The following CABLES2 variants were observed in gnomAD, a reference collection of about 807,000 sequenced individuals.
CABLES2 encodes CDK5 and ABL1 enzyme substrate 2.
CABLES2 carries 35 observed loss-of-function variants against 44.8 expected under a neutral mutation model. The observed-to-expected ratio is 0.78, with a 90% CI of 0.60 to 1.04. CABLES2 has a LOEUF of 1.04. Ranked by LOEUF, CABLES2 falls within the 50% of genes least tolerant of loss-of-function variation. The probability of loss-of-function intolerance (pLI) is 0.00; values close to 1 mark genes in which losing one functional copy is unlikely to be tolerated. For missense variants in CABLES2, 566 were observed against 615.7 expected (o/e 0.92, Z 0.85); for synonymous variants, 282 against 281.1 (o/e 1.00, Z -0.03).
chr20:62,407,267 C>T lies in CABLES2; in HGVS notation c.10G>A (p.Ala4Thr), dbSNP rs924966606. Reference protein sequence around the residue: MAAAAAGGAPGPAP... With the variant: MAATAAGGAPGPAP... The stretch of plus-strand genomic sequence containing the variant: ...GGGCCCGGGGCTCCACCGGCCGCGG[C>T]CGCGGCCATCCTCAGACTGCGCCCG... The change falls in exon 1 of 10, where the codon GCC becomes ACC. Residue 4 changes from alanine (A) to threonine (T), a missense_variant. Around this residue, in one of 2 missense-constraint regions of CABLES2, gnomAD observed 130 missense variants for 79.4 expected, o/e 1.64. Transcript: ENST00000279101. The T allele has an allele frequency of 2.0e-5, 11 of 550,244 alleles. No homozygotes were observed. Among genetic ancestry groups the T allele is most frequent in the South Asian group, 7.9e-5 (1 of 12,736 alleles). The allele number at this position is 550,244 out of a possible 1,614,324, so 34.1% of individuals were successfully genotyped here. A position where few individuals can be genotyped will look rare whatever the true frequency, so the allele number is the denominator to read the frequency against.
In CABLES2 at chr20:62,407,249, GGGCTCCAC is replaced by G; in HGVS notation, c.20_27del (p.Gly7AlafsTer147). ...CCGGCGGGGCCGGGGGCCGGGCCCG[GGGCTCCAC>G]CGGCCGCGGCCGCGGCCATCCTCAG... On this transcript the variant is annotated frameshift_variant, in exon 1 of 10. Transcript: ENST00000279101. LOFTEE classifies it high-confidence loss of function. 1.4e-6 allele frequency: 1 copy of G among 699,880 alleles called. No homozygotes were observed. Among genetic ancestry groups the G allele is most frequent in the Non-Finnish European group, 1.7e-6 (1 of 572,802 alleles). The allele number at this position is 699,880 out of a possible 1,614,324, so 43.4% of individuals were successfully genotyped here. A position where few individuals can be genotyped will look rare whatever the true frequency, so the allele number is the denominator to read the frequency against.
Position 62,389,191 on chromosome 20 carries a change from T to C in CABLES2, c.*1780A>G, listed in dbSNP as rs1987863001. ...GATGGGATCTGGGTGGCAGGAGAGG[T>C]TGCTTTTCAGAGGAAAGCTGCCTGG... is the stretch of plus-strand genomic sequence containing the variant. On this transcript the variant is annotated 3_prime_UTR_variant, in exon 10 of 10. Coordinates refer to ENST00000279101, the MANE Select transcript of CABLES2 (RefSeq NM_031215.3). The C allele has an allele frequency of 6.6e-6, 1 of 152,390 alleles. No individual in the cohort carries two copies. The highest frequency in any genetic ancestry group is 2.1e-4 in the South Asian group (1 of 4,848). 9.4% of individuals were successfully genotyped at this position (152,390 alleles called of 1,614,324 possible).
Position 62,393,026 on chromosome 20 carries a change from G to T in CABLES2, c.881-3C>A, listed in dbSNP as rs759192452. 4 of 1,612,220 alleles carry T rather than the reference G, an allele frequency of 2.5e-6. No individual in the cohort carries two copies. In the Admixed American group the frequency reaches 6.7e-5, roughly 27 times the overall value. ...CAGGGTGTCCCCCACGTCACTCCCT[G>T]TAAGAGAGGCAACCCCTGACCCACC... On this transcript the variant is annotated splice_polypyrimidine_tract_variant and splice_region_variant and intron_variant, in intron 6 of 9. Transcript: ENST00000279101.
intron 1 of CABLES2, among the ~76,000 whole-genome samples, chr20:62,398,930 C>G (rs576804089): frequency 6.6e-6 from 1 of 152,258 alleles, no homozygotes; most frequent in Non-Finnish European, 1.5e-5. Flanking sequence ...GTCACCTTGA[C>G]GCCAACATTG....
chr20:62,390,630 C>T lies in CABLES2; in HGVS notation c.*341G>A. ...CGAGGCCAGGGGAGACACACTGCAG[C>T]CGGCTCGCTGCTGCACGCTGTGAAC... On this transcript the variant is annotated 3_prime_UTR_variant, in exon 10 of 10. Transcript: ENST00000279101. 1 of 294,030 alleles carries T rather than the reference C, an allele frequency of 3.4e-6. No individual in the cohort carries two copies. Among genetic ancestry groups the T allele is most frequent in the Non-Finnish European group, 6.5e-6 (1 of 153,112 alleles). 18.2% of individuals were successfully genotyped at this position (294,030 alleles called of 1,614,324 possible). A position where few individuals can be genotyped will look rare whatever the true frequency, so the allele number is the denominator to read the frequency against.
Position 62,396,396 on chromosome 20 carries a change from G to A in CABLES2, c.446C>T (p.Thr149Ile). 1 of 1,613,986 alleles carries A rather than the reference G, an allele frequency of 6.2e-7. No homozygotes were observed. The highest frequency in any genetic ancestry group is 8.5e-7 in the Non-Finnish European group (1 of 1,179,940). ...GCCTTTATGTCTCGGTGATCCAGAT[G>A]TGTGTTTGGTTCTGCAAGGCAAAGG... ...GCAPAQRTKH[T>I]SGSPRHKGLK... The change falls in exon 3 of 10, where the codon ACA becomes ATA. Residue 149 changes from threonine (T) to isoleucine (I), a missense_variant. Physicochemically the swap from Thr to Ile is moderately conservative, Grantham distance 89. Coordinates refer to ENST00000279101, the MANE Select transcript of CABLES2 (RefSeq NM_031215.3). The surrounding 1 kb of genome is among the most constrained non-coding windows in gnomAD (Gnocchi z 5.7).
chr20:62,392,865 G>T, intron 7 of CABLES2, 55 bp downstream of exon 7: 1 of 1,517,002 alleles, frequency 6.6e-7, no homozygotes, highest in Non-Finnish European at 9.1e-7. Flanking sequence ...CACACGCCCC[G>T]AGCCAGGACA....
chr20:62,399,599 T>TC (rs923055687), intron 1 of CABLES2, among the ~76,000 whole-genome samples: 2 of 147,708 alleles, frequency 1.4e-5, no homozygotes, highest in African/African-American at 5.0e-5. Flanking sequence ...GGTCCTTTTT[T>TC]TTTTTTTTTT....
chr20:62,398,142 G>GA (rs1569017726), intron 1 of CABLES2, among the ~76,000 whole-genome samples: 61 of 108,440 alleles, frequency 5.6e-4, no homozygotes, highest in Middle Eastern at 4.9e-3. Flanking sequence ...GGTGGTGATG[G>GA]TGGTGGTGGT....
chr20:62,398,187 A>ACGGTGGTGGTGACGGTGATGGTGG, intron 1 of CABLES2, among the ~76,000 whole-genome samples: 1 of 92,770 alleles, frequency 1.1e-5, no homozygotes, highest in African/African-American at 5.0e-5. Context: ...GGTGGTGGTG[A>ACGGTGGTGGTGACGGTGATGGTGG]TGGTGATGAT....
At chr20:62,392,604 G>A (rs1027036528) in intron 7 of CABLES2, 109 bp from the exon 8 acceptor site, 8 of 832,232 alleles carry the variant, frequency 9.6e-6, no homozygotes, top group African/African-American at 6.7e-5. Flanking sequence ...ACATGCATAC[G>A]GTGTGGCTTG....
chr20:62,402,011 C>T (rs552275450), intron 1 of CABLES2, among the ~76,000 whole-genome samples: 7 of 152,156 alleles, frequency 4.6e-5, no homozygotes, highest in Non-Finnish European at 7.4e-5. Flanking sequence ...GGAGGCCCCG[C>T]TCCTGCTCAG....
At chr20:62,393,976 T>C (rs1290123026) in intron 5 of CABLES2, among the ~76,000 whole-genome samples, 181 bp downstream of exon 5, 1 of 151,314 alleles carries the variant, frequency 6.6e-6, no homozygotes, top group African/African-American at 2.4e-5. Flanking sequence ...GGCGGGGGAG[T>C]CCGACGGGCT....
intron 1 of CABLES2, chr20:62,403,501 G>T: frequency 6.5e-6 from 1 of 152,726 alleles, no homozygotes; most frequent in Non-Finnish European, 1.5e-5. Context: ...AGTGGGAAAA[G>T]GCAGGAAGGA....
At chr20:62,404,449 T>C (rs1988243185) in intron 1 of CABLES2, 1 of 152,360 alleles carries the variant, frequency 6.6e-6, no homozygotes, top group Non-Finnish European at 1.5e-5. Flanking sequence ...CAGGGCTGCC[T>C]TCAGGACTTT....
In CABLES2 at chr20:62,397,300, C is replaced by T. The variant is rs372325642; in HGVS notation, c.363-708G>A. Among the ~76,000 whole-genome samples the T allele has an allele frequency of 2.0e-3, 312 of 152,274 alleles. 1 individual carries two copies. The highest frequency in any genetic ancestry group is 7.3e-3 in the African/African-American group (303 of 41,558). ...CACTACAGGAAGGAGGCATCCCTGC[C>T]TCACCACCCACCTGCCGTCTGCCTC... On this transcript the variant is annotated intron_variant, in intron 1 of 9. Coordinates refer to ENST00000279101, the MANE Select transcript of CABLES2 (RefSeq NM_031215.3).
chr20:62,398,077 T>TGGTGGTGGTGAC (rs1569017517), intron 1 of CABLES2, among the ~76,000 whole-genome samples: 4 of 33,056 alleles, frequency 1.2e-4, no homozygotes, highest in Non-Finnish European at 2.4e-4. Context: ...GTGACGGTGG[T>TGGTGGTGGTGAC]GGTGGTGGTG....
rs1435586114 is a variant in CABLES2 at position 62,407,277 on chromosome 20, C to T, written c.-1G>A. On this transcript the variant is annotated 5_prime_UTR_variant, in exon 1 of 10. Coordinates refer to ENST00000279101, the MANE Select transcript of CABLES2 (RefSeq NM_031215.3). ...CTCCACCGGCCGCGGCCGCGGCCAT[C>T]CTCAGACTGCGCCCGCCGCCGCGAA... The T allele has an allele frequency of 2.1e-6, 1 of 465,248 alleles. No homozygotes were observed. Among genetic ancestry groups the T allele is most frequent in the Non-Finnish European group, 2.8e-6 (1 of 357,904 alleles). The allele number at this position is 465,248 out of a possible 1,614,324, so 28.8% of individuals were successfully genotyped here.
intron 1 of CABLES2, among the ~76,000 whole-genome samples, chr20:62,397,966 T>C (rs867917585): frequency 0.014 from 1,564 of 115,304 alleles, 33 homozygotes; most frequent in Middle Eastern, 0.041. Context: ...GTGGTGATGG[T>C]GGTGACAGTG....
Sources: gnomAD v4.1 joint callset for allele counts (sites outside exome capture counted in the v4.1 genomes callset) on GRCh38, gnomAD v4.1.1 for gene constraint, gnomAD v4.1.1 regional missense constraint, Gnocchi (gnomAD v3.1) non-coding constraint, MANE v1.5 for transcripts, NCBI Gene and HGNC (gene_info 2026-07-23, HGNC 2026-07-21) for gene names.